The following CDH2 variants were observed in gnomAD, a reference collection of about 807,000 sequenced individuals.
CDH2 encodes cadherin-2.
In CDH2, 17 loss-of-function variants were observed where a neutral mutation model predicts 92.0. That is an observed-to-expected ratio of 0.18 (90% CI 0.13 to 0.28). The LOEUF is 0.28. CDH2 is among the 10% of genes least tolerant of loss of function. The pLI, the probability that CDH2 is intolerant of heterozygous loss-of-function variation, is 1.00. For missense variants in CDH2, 862 were observed against 1,133.1 expected (o/e 0.76, Z 3.44); for synonymous variants, 419 against 415.9 (o/e 1.01, Z -0.09).
intron 14 of CDH2, among the ~76,000 whole-genome samples, chr18:27,981,068 C>T (rs948681038): frequency 4.6e-5 from 7 of 152,244 alleles, no homozygotes; most frequent in South Asian, 4.1e-4. Flanking sequence ...AAATACCCCA[C>T]GGTCCAGTCC....
chr18:28,006,107 A>T lies in CDH2; in HGVS notation c.703-114T>A, dbSNP rs1045016906. Reference sequence around the variant, plus strand: ...AATAAACTCACAGCTGAAAAACAAAAGCGGTTCTTCCCATCAAAATTTAAG... The same window carrying T: ...AATAAACTCACAGCTGAAAAACAAATGCGGTTCTTCCCATCAAAATTTAAG... On this transcript the variant is annotated intron_variant, in intron 5 of 15. Transcript: ENST00000269141. 4.9e-6 allele frequency: 4 copies of T among 814,792 alleles called. No individual in the cohort carries two copies. The African/African-American group carries it at 6.9e-5, about 14-fold the overall frequency. The allele number at this position is 814,792 out of a possible 1,614,324, so 50.5% of individuals were successfully genotyped here.
chr18:28,150,139 A>G (rs1161827824), intron 1 of CDH2, among the ~76,000 whole-genome samples: 1 of 152,168 alleles, frequency 6.6e-6, no homozygotes, highest in East Asian at 1.9e-4. Flanking sequence ...TCCCACCAAC[A>G]TGTTACGAGT....
At chr18:27,953,150 A>G (rs552353280) in intron 15 of CDH2, among the ~76,000 whole-genome samples, 16 of 152,304 alleles carry the variant, frequency 1.1e-4, no homozygotes, top group African/African-American at 3.4e-4. Context: ...TCATAATCCA[A>G]TATCTGTACA....
intron 2 of CDH2, among the ~76,000 whole-genome samples, chr18:28,014,236 C>G (rs956700535): frequency 6.6e-6 from 1 of 152,092 alleles, no homozygotes; most frequent in Admixed American, 6.6e-5. Context: ...TTACAAACTT[C>G]CACTCACTCT....
chr18:28,112,639 G>C (rs895445241), intron 2 of CDH2, among the ~76,000 whole-genome samples: 4 of 152,128 alleles, frequency 2.6e-5, no homozygotes, highest in Non-Finnish European at 5.9e-5. Context: ...CTACCATGAA[G>C]TATGTAGGCT....
In CDH2 at chr18:28,124,281, T is replaced by C. The variant is rs569754622; in HGVS notation, c.172+23392A>G. ...TTTCATTTGGAAGGACATTATTTTC[T>C]TTAGTCAAACTCAATTCTCATTCAA... On this transcript the variant is annotated intron_variant, in intron 2 of 15. Transcript: ENST00000269141. Among the ~76,000 whole-genome samples the C allele has an allele frequency of 9.2e-5, 14 of 152,284 alleles. 1 individual carries two copies. The highest frequency in any genetic ancestry group is 9.2e-4 in the Admixed American group (14 of 15,278).
At chr18:28,085,505 T>G (rs118036032) in intron 2 of CDH2, among the ~76,000 whole-genome samples, 2,750 of 152,250 alleles carry the variant, frequency 0.018, 41 homozygotes, top group Non-Finnish European at 0.027. Flanking sequence ...ATCATGGCTC[T>G]TCTCATTCAC....
At chr18:28,045,287 T>C (rs2014051525) in intron 2 of CDH2, 2 of 368,416 alleles carry the variant, frequency 5.4e-6, no homozygotes, top group East Asian at 1.5e-4. Flanking sequence ...TGAGCTAGTT[T>C]GTCCTTGTTG....
At chr18:28,167,110 T>C (rs1419095682) in intron 1 of CDH2, among the ~76,000 whole-genome samples, 1 of 152,080 alleles carries the variant, frequency 6.6e-6, no homozygotes. Flanking sequence ...GAAGCATCGC[T>C]GAAAAGATTA....
chr18:28,053,255 C>A (rs1293300362), intron 2 of CDH2, among the ~76,000 whole-genome samples: 1 of 152,072 alleles, frequency 6.6e-6, no homozygotes, highest in African/African-American at 2.4e-5. Context: ...TCAAACTCTG[C>A]AAATTATTCA....
intron 2 of CDH2, among the ~76,000 whole-genome samples, chr18:28,066,623 A>G (rs1401336056): frequency 6.6e-6 from 1 of 152,140 alleles, no homozygotes; most frequent in Non-Finnish European, 1.5e-5. Flanking sequence ...TGCCACTGAA[A>G]AGCTGCTACA....
At chr18:28,055,357 A>G (rs1223665854) in intron 2 of CDH2, among the ~76,000 whole-genome samples, 5 of 152,306 alleles carry the variant, frequency 3.3e-5, no homozygotes, top group African/African-American at 9.6e-5. Context: ...GACACAGCCA[A>G]TCCATATCAC....
chr18:28,131,039 C>A (rs1020442096), intron 2 of CDH2, among the ~76,000 whole-genome samples: 1 of 152,040 alleles, frequency 6.6e-6, no homozygotes, highest in Non-Finnish European at 1.5e-5. Flanking sequence ...CAGACATAAC[C>A]AATAAACAGT....
intron 2 of CDH2, among the ~76,000 whole-genome samples, chr18:28,024,892 G>C (rs2013509026): frequency 6.6e-6 from 1 of 151,778 alleles, no homozygotes; most frequent in African/African-American, 2.4e-5. Flanking sequence ...AGAGTAAAAA[G>C]AAAAAGGGAG....
At chr18:28,094,242 T>C (rs1017441153) in intron 2 of CDH2, among the ~76,000 whole-genome samples, 2 of 151,962 alleles carry the variant, frequency 1.3e-5, no homozygotes, top group Non-Finnish European at 2.9e-5. Flanking sequence ...ATCTCAAAAC[T>C]TTGGGAGGCT....
chr18:28,118,057 C>T (rs1287086373), intron 2 of CDH2, among the ~76,000 whole-genome samples: 1 of 151,612 alleles, frequency 6.6e-6, no homozygotes. Context: ...ACCCTCCCAT[C>T]AAGTTTAGGG....
intron 2 of CDH2, among the ~76,000 whole-genome samples, chr18:28,053,693 G>A (rs1195427831): frequency 6.6e-6 from 1 of 152,156 alleles, no homozygotes; most frequent in African/African-American, 2.4e-5. Context: ...TCTGAGGGCT[G>A]CCCGTTTCAA....
intron 2 of CDH2, among the ~76,000 whole-genome samples, chr18:28,130,954 C>T (rs373145740): frequency 5.9e-5 from 9 of 152,110 alleles, no homozygotes; most frequent in East Asian, 1.9e-4. Flanking sequence ...TGCATGGACA[C>T]GCACGCTAAT....
At chr18:28,006,807 T>C (rs910785247) in intron 5 of CDH2, among the ~76,000 whole-genome samples, 2 of 150,560 alleles carry the variant, frequency 1.3e-5, no homozygotes, top group Non-Finnish European at 3.0e-5. Flanking sequence ...GAAGTGTACA[T>C]AGGAAATTTT....
Sources: gnomAD v4.1 joint callset for allele counts (sites outside exome capture counted in the v4.1 genomes callset) on GRCh38, gnomAD v4.1.1 for gene constraint, MANE v1.5 for transcripts, NCBI Gene and HGNC (gene_info 2026-07-23, HGNC 2026-07-21) for gene names.